Variants in POU2F2 observed in about 807,000 individuals in gnomAD.
POU2F2 encodes the protein POU domain, class 2, transcription factor 2.
POU2F2 carries 14 observed loss-of-function variants against 63.5 expected under a neutral mutation model. The observed-to-expected ratio is 0.22, with a 90% CI of 0.15 to 0.34. The LOEUF is 0.34. Among genes scored for constraint, POU2F2 ranks in the 10% least tolerant of loss-of-function variants. The probability of loss-of-function intolerance (pLI) is 1.00; values close to 1 mark genes in which losing one functional copy is unlikely to be tolerated. For synonymous variants in POU2F2, 306 were observed against 348.6 expected (o/e 0.88, Z 1.36); for missense variants, 607 against 815.2 (o/e 0.74, Z 3.11).
intron 1 of POU2F2, among the ~76,000 whole-genome samples, chr19:42,195,100 AG>A (rs1431741487): frequency 3.7e-4 from 22 of 58,782 alleles, no homozygotes; most frequent in East Asian, 2.4e-3. Context: ...GGAGGAAGGA[AG>A]GGAGGGAGGG....
rs60030513 is a variant in POU2F2, at chr19:42,091,094, CTT to C, written c.*161_*162del. 13,491 of 348,300 alleles carry C rather than the reference CTT, an allele frequency of 0.039. No individual in the cohort carries two copies. Among genetic ancestry groups the C allele is most frequent in the Middle Eastern group, 0.054 (67 of 1,250 alleles). The allele number at this position is 348,300 out of a possible 1,614,324, so 21.6% of individuals were successfully genotyped here. Reference sequence around the variant, plus strand: ...TCTCTTTTGTTGGTTAGTTTCTTTCCTTTTTTTTTTTTTTTTTGGTTGGTTGT... The same window carrying C: ...TCTCTTTTGTTGGTTAGTTTCTTTCCTTTTTTTTTTTTTTTGGTTGGTTGT... On this transcript the variant is annotated 3_prime_UTR_variant, in exon 15 of 15. Transcript: ENST00000692977.
At chr19:42,109,752 G>T (rs780562927) in intron 5 of POU2F2, among the ~76,000 whole-genome samples, 3 of 152,084 alleles carry the variant, frequency 2.0e-5, no homozygotes, top group Admixed American at 6.5e-5. Flanking sequence ...CCATCCTCCC[G>T]CTTCAGACTC....
chr19:42,160,632 C>T (rs1452470193), intron 1 of POU2F2, among the ~76,000 whole-genome samples: 2 of 152,192 alleles, frequency 1.3e-5, no homozygotes, highest in African/African-American at 4.8e-5. Flanking sequence ...TAGTGCCTGC[C>T]ACTGTGGAAC....
At chr19:42,167,893 C>G (rs2034685062) in intron 1 of POU2F2, among the ~76,000 whole-genome samples, 1 of 152,182 alleles carries the variant, frequency 6.6e-6, no homozygotes, top group Non-Finnish European at 1.5e-5. Flanking sequence ...AGGGCTTTGT[C>G]AGGGTCAACC....
At chr19:42,154,803 G>T (rs566196135) in intron 2 of POU2F2, among the ~76,000 whole-genome samples, 1 of 152,108 alleles carries the variant, frequency 6.6e-6, no homozygotes, top group African/African-American at 2.4e-5. Context: ...CATTCCCCAG[G>T]CCAGAAGTCA....
At chr19:42,120,523 A>C (rs2032483532) in intron 4 of POU2F2, among the ~76,000 whole-genome samples, 1 of 152,108 alleles carries the variant, frequency 6.6e-6, no homozygotes, top group Admixed American at 6.5e-5. Flanking sequence ...CCCAGCCCTA[A>C]TCTCCTTTTT....
At chr19:42,170,447 C>T (rs1487320011) in intron 1 of POU2F2, among the ~76,000 whole-genome samples, 2 of 150,302 alleles carry the variant, frequency 1.3e-5, no homozygotes, top group Non-Finnish European at 3.0e-5. Flanking sequence ...AAAAAAAATG[C>T]TCAAGAGTGC....
At position 42,193,264 on chromosome 19, in the gene POU2F2, T is replaced by C. The variant is rs149167889; in HGVS notation, c.-70+3119A>G. On this transcript the variant is annotated intron_variant, in intron 1 of 5. Coordinates refer to the POU2F2 transcript ENST00000532176. ...GGAAAGAAAAATTTCCTGCGAAAGA[T>C]GTCCAGACTGAAGCTCTGGAACCTG... 1.4e-3 allele frequency among the ~76,000 whole-genome samples: 216 copies of C among 151,360 alleles called. 1 individual carries two copies. Among genetic ancestry groups the C allele is most frequent in the African/African-American group, 4.8e-3 (198 of 41,244 alleles).
Position 42,099,559 on chromosome 19 carries a change from T to A in POU2F2, c.535A>T (p.Thr179Ser). The A allele has an allele frequency of 6.2e-7, 1 of 1,613,496 alleles. No individual in the cohort carries two copies. Among genetic ancestry groups the A allele is most frequent in the Non-Finnish European group, 8.5e-7 (1 of 1,179,854 alleles). Residue 179 changes from threonine (T) to serine (S), a missense_variant, in exon 7 of 15, where the codon ACC (threonine) becomes TCC (serine). Thr to Ser is a moderately conservative substitution (Grantham distance 58, BLOSUM62 1). This residue lies in a region of POU2F2 where 224 missense variants were observed against 264.3 expected (regional missense o/e 0.85). Transcript: ENST00000692977. ...GGAAGCCCGGCCCGGGGCTGGGAGG[T>A]CAGAAGAGCTCCCTGGGTTTGCTGA... ...LPQQTQGALL[T>S]SQPRAGLPTQ...
At chr19:42,128,386 T>G (rs2033392261) in intron 1 of POU2F2, among the ~76,000 whole-genome samples, 1 of 152,136 alleles carries the variant, frequency 6.6e-6, no homozygotes, top group African/African-American at 2.4e-5. Flanking sequence ...GAGGGAAATT[T>G]TTCACCATTC....
At position 42,092,857 on chromosome 19, in the gene POU2F2, G is replaced by A. The variant is rs1221193093; in HGVS notation, c.1265-587C>T. Among the ~76,000 whole-genome samples the A allele has an allele frequency of 6.6e-6, 1 of 151,564 alleles. No homozygotes were observed. The highest frequency in any genetic ancestry group is 1.9e-4 in the East Asian group (1 of 5,178). On this transcript the variant is annotated intron_variant, in intron 12 of 14. Coordinates refer to ENST00000692977, the MANE Select transcript of POU2F2 (RefSeq NM_001394376.1). This position sits in a 1 kb window ranked among gnomAD's most constrained non-coding sequence, Gnocchi z 5.0. ...CAGTTTAGAAAGAGTTTAGTACAGTGCCAGGCAAGCACTTACTACTTTATA... is the reference window on the plus strand; with the variant it reads ...CAGTTTAGAAAGAGTTTAGTACAGTACCAGGCAAGCACTTACTACTTTATA...
In POU2F2 at chr19:42,162,664, CT is replaced by C. The variant is rs1406420948; in HGVS notation, c.-69-2273del. 1.3e-5 allele frequency among the ~76,000 whole-genome samples: 2 copies of C among 152,192 alleles called. No homozygotes were observed. The highest frequency in any genetic ancestry group is 2.9e-5 in the Non-Finnish European group (2 of 68,032). ...CACAGCCAGTGTATATAATGGTTTG[CT>C]GTGTCCTGGGGTCAGTTTGCCATGT... is the stretch of plus-strand genomic sequence containing the variant. On this transcript the variant is annotated intron_variant, in intron 1 of 6. Transcript: ENST00000524801. This position sits in a 1 kb window ranked among gnomAD's most constrained non-coding sequence, Gnocchi z 4.1.
rs76335122 is a variant in POU2F2, at chr19:42,090,742, T to G, written c.*515A>C. 0.095 allele frequency: 14,576 copies of G among 154,110 alleles called. 929 individuals are homozygous for G. Among genetic ancestry groups the G allele is most frequent in the Middle Eastern group, 0.2 (58 of 294 alleles). The allele number at this position is 154,110 out of a possible 1,614,324, so 9.5% of individuals were successfully genotyped here. On this transcript the variant is annotated 3_prime_UTR_variant, in exon 15 of 15. Transcript: ENST00000692977. The surrounding 1 kb of genome is among the most constrained non-coding windows in gnomAD (Gnocchi z 4.4). The stretch of plus-strand genomic sequence containing the variant: ...TGCCCTGTCTTCGCTGGCCCAGGGC[T>G]GGGGGCTGGGATTAGGAAGCTGGCA...
rs527443622 is a variant in POU2F2 at position 42,156,335 on chromosome 19, C to T, written c.-9+3997G>A. 1 of 152,742 alleles carries T rather than the reference C, an allele frequency of 6.5e-6. No homozygotes were observed. The highest frequency in any genetic ancestry group is 2.4e-5 in the African/African-American group (1 of 41,550). The allele number at this position is 152,742 out of a possible 1,614,324, so 9.5% of individuals were successfully genotyped here. On this transcript the variant is annotated intron_variant, in intron 2 of 6. Coordinates refer to the POU2F2 transcript ENST00000524801. This position sits in a 1 kb window ranked among gnomAD's most constrained non-coding sequence, Gnocchi z 4.1. ...CAGTCCACAGCTGTCTCCACCCACC[C>T]AGTGACAGAGCACAGGCAGCCAAAA...
In POU2F2 at chr19:42,095,085, G is replaced by A. The variant is rs2076866932; in HGVS notation, c.1197+201C>T. 6.6e-6 allele frequency among the ~76,000 whole-genome samples: 1 copy of A among 152,190 alleles called. No individual in the cohort carries two copies. Among genetic ancestry groups the A allele is most frequent in the Non-Finnish European group, 1.5e-5 (1 of 68,030 alleles). The stretch of plus-strand genomic sequence containing the variant: ...TGGCTATGTCGGTGTGTATCTAGGG[G>A]TGCTTGTATCCCCCATGTAAGACCA... On this transcript the variant is annotated intron_variant, in intron 11 of 14. Coordinates refer to ENST00000692977, the MANE Select transcript of POU2F2 (RefSeq NM_001394376.1). This position sits in a 1 kb window ranked among gnomAD's most constrained non-coding sequence, Gnocchi z 7.1.
intron 1 of POU2F2, among the ~76,000 whole-genome samples, chr19:42,181,548 T>C (rs184723460): frequency 5.3e-5 from 8 of 151,662 alleles, no homozygotes; most frequent in African/African-American, 1.5e-4. Flanking sequence ...ATGACCTTAA[T>C]TGAGTGTGTG....
At chr19:42,132,278 A>G in intron 1 of POU2F2, 106 bp downstream of exon 1, 14 of 1,313,276 alleles carry the variant, frequency 1.1e-5, no homozygotes, top group Non-Finnish European at 1.5e-5. Context: ...TACAGAGGAG[A>G]AGGACAATGG....
chr19:42,130,981 C>T (rs1568402762), intron 1 of POU2F2, among the ~76,000 whole-genome samples: 1 of 121,480 alleles, frequency 8.2e-6, no homozygotes, highest in Non-Finnish European at 1.7e-5. Flanking sequence ...ACCCCTCTGC[C>T]TGAGCCTCCC....
rs1460771072 is a variant in POU2F2, at chr19:42,090,938, C to T, written c.*319G>A. The T allele has an allele frequency of 3.6e-5, 8 of 224,346 alleles. No homozygotes were observed. Among genetic ancestry groups the T allele is most frequent in the Admixed American group, 5.1e-5 (1 of 19,462 alleles). The allele number at this position is 224,346 out of a possible 1,614,324, so 13.9% of individuals were successfully genotyped here. On this transcript the variant is annotated 3_prime_UTR_variant, in exon 15 of 15. Coordinates refer to ENST00000692977, the MANE Select transcript of POU2F2 (RefSeq NM_001394376.1). The surrounding 1 kb of genome is among the most constrained non-coding windows in gnomAD (Gnocchi z 4.4). Reference sequence around the variant, plus strand: ...GGTGAGCACGCTGAGGTCTGGCTCGCGACTGGTTTTTTGGTTTGTTTGATT... The same window carrying T: ...GGTGAGCACGCTGAGGTCTGGCTCGTGACTGGTTTTTTGGTTTGTTTGATT...
Sources: gnomAD v4.1 joint callset for allele counts (sites outside exome capture counted in the v4.1 genomes callset) on GRCh38, gnomAD v4.1.1 for gene constraint, gnomAD v4.1.1 regional missense constraint, Gnocchi (gnomAD v3.1) non-coding constraint, MANE v1.5 for transcripts, NCBI Gene and HGNC (gene_info 2026-07-23, HGNC 2026-07-21) for gene names.